The following ZW10 variants were observed in gnomAD, a reference collection of about 807,000 sequenced individuals.
The protein encoded by ZW10 is centromere/kinetochore protein zw10 homolog.
ZW10 carries 53 observed loss-of-function variants against 87.8 expected under a neutral mutation model. That is an observed-to-expected ratio of 0.60 (90% confidence interval 0.48 to 0.76). The LOEUF (loss-of-function observed/expected upper bound fraction) is 0.76, where lower values mean the gene tolerates loss of function less well. ZW10 is among the 30% of genes least tolerant of loss of function. The probability of loss-of-function intolerance (pLI) is 0.00; values close to 1 mark genes in which losing one functional copy is unlikely to be tolerated. For missense variants in ZW10, 837 were observed against 923.0 expected (o/e 0.91, Z 1.21); for synonymous variants, 312 against 329.2 (o/e 0.95, Z 0.57).
intron 2 of ZW10, 149 bp downstream of exon 2, chr11:113,768,684 G>T: frequency 1.3e-6 from 1 of 766,562 alleles, no homozygotes; most frequent in East Asian, 3.0e-5. Flanking sequence ...TTTCAGAATT[G>T]AAGTCACCCT....
At chr11:113,752,258 C>T (rs958552814) in intron 7 of ZW10, among the ~76,000 whole-genome samples, 5 of 151,754 alleles carry the variant, frequency 3.3e-5, no homozygotes, top group African/African-American at 1.2e-4. Flanking sequence ...TGCACATGAA[C>T]AAGATGTGTG....
At chr11:113,748,772 T>C (rs1204156482) in intron 7 of ZW10, among the ~76,000 whole-genome samples, 1 of 152,230 alleles carries the variant, frequency 6.6e-6, no homozygotes, top group Non-Finnish European at 1.5e-5. Flanking sequence ...ATCTCACTTA[T>C]TTAATAATGA....
rs928303091 is a variant in ZW10, at chr11:113,744,040, T to G, written c.1273A>C (p.Ile425Leu). ...ACATTTATCTTAGAATCAGGAATAA[T>G]CTAAGATTCAAACACAAAAATACAG... ...MTSEIHNTVK[I>L]IPDSKINVPE... is the part of the protein sequence containing the mutation. The change falls in exon 10 of 16, where the codon ATT (isoleucine) becomes CTT (leucine). Residue 425 changes from isoleucine to leucine, a missense_variant and splice_region_variant. Physicochemically the swap from Ile to Leu is conservative, Grantham distance 5 (BLOSUM62 2). Transcript: ENST00000200135. 9.4e-6 allele frequency: 15 copies of G among 1,601,076 alleles called. No homozygotes were observed. Among genetic ancestry groups the G allele is most frequent in the Non-Finnish European group, 1.1e-5 (13 of 1,168,998 alleles).
At chr11:113,762,835 C>G (rs1953875773) in intron 2 of ZW10, among the ~76,000 whole-genome samples, 1 of 152,138 alleles carries the variant, frequency 6.6e-6, no homozygotes, top group Non-Finnish European at 1.5e-5. Flanking sequence ...TTAACTCTTG[C>G]AATAACACAG....
chr11:113,748,406 T>C lies in ZW10; in HGVS notation c.940A>G (p.Thr314Ala), dbSNP rs372776052. 2.5e-6 allele frequency: 4 copies of C among 1,589,060 alleles called. No homozygotes were observed. In the African/African-American group the frequency reaches 5.4e-5, roughly 22 times the overall value. ...GATGTTTTTTCATTTTCCAGGTCAG[T>C]GTCAAGTGGCAAATCTGAATTTTTT... ...QKQLLDLPLDTDLENEKTSTV... is the reference protein window; with the variant it reads ...QKQLLDLPLDADLENEKTSTV... The change falls in exon 8 of 16, where the codon ACT becomes GCT. Residue 314 changes from threonine to alanine, a missense_variant. Coordinates refer to ENST00000200135, the MANE Select transcript of ZW10 (RefSeq NM_004724.4).
At position 113,748,260 on chromosome 11, in the gene ZW10, T is replaced by C. The variant is rs751267510; in HGVS notation, c.1086A>G (p.Glu362=). The C allele has an allele frequency of 1.2e-6, 2 of 1,610,720 alleles. No individual in the cohort carries two copies. The highest frequency in any genetic ancestry group is 2.7e-5 in the African/African-American group (2 of 74,784). Residue 362 remains glutamate, a synonymous_variant, in exon 8 of 16, where the codon GAA becomes GAG. Transcript: ENST00000200135. ...CTGTGCTGTCTGGGCTCTTTACCTC[T>C]TCATATTGCTGTAATTTGCTGCTAT... ...PTNSSKLQQY[E]EIIQSTEEFE...
At chr11:113,752,608 A>G (rs1953744722) in intron 7 of ZW10, among the ~76,000 whole-genome samples, 1 of 152,270 alleles carries the variant, frequency 6.6e-6, no homozygotes, top group Middle Eastern at 3.4e-3. Flanking sequence ...TGACATTACC[A>G]TTGCAATTGT....
chr11:113,738,923 A>G (rs1036813593), intron 12 of ZW10, among the ~76,000 whole-genome samples: 2 of 150,794 alleles, frequency 1.3e-5, no homozygotes, highest in African/African-American at 4.8e-5. Flanking sequence ...TATAAATCCT[A>G]TTATGTGAAT....
Position 113,734,571 on chromosome 11 carries a change from G to A in ZW10, c.2220-757C>T, listed in dbSNP as rs1046797722. Among the ~76,000 whole-genome samples the A allele has an allele frequency of 8.5e-5, 13 of 152,082 alleles. No individual in the cohort carries two copies. In the South Asian group the frequency reaches 1.7e-3, roughly 19 times the overall value. On this transcript the variant is annotated intron_variant, in intron 15 of 15. Coordinates refer to ENST00000200135, the MANE Select transcript of ZW10 (RefSeq NM_004724.4). ...TGTAATCCCAACACTTTGGGAGGCCGAGGAAGGCAGATCACATGAGGTCAG... is the reference window on the plus strand; with the variant it reads ...TGTAATCCCAACACTTTGGGAGGCCAAGGAAGGCAGATCACATGAGGTCAG...
At position 113,735,227 on chromosome 11, in the gene ZW10, T is replaced by C. The variant is rs557418934; in HGVS notation, c.2219+1393A>G. Among the ~76,000 whole-genome samples, 6 of 152,264 alleles carry C rather than the reference T, an allele frequency of 3.9e-5. No individual in the cohort carries two copies. The East Asian group carries it at 7.7e-4, about 20-fold the overall frequency. ...TCCTAGGCAGTAAAAAGAAGTTGAGTTGTACTAGTGTTATAATTTTTCTTA... is the reference window on the plus strand; with the variant it reads ...TCCTAGGCAGTAAAAAGAAGTTGAGCTGTACTAGTGTTATAATTTTTCTTA... On this transcript the variant is annotated intron_variant, in intron 15 of 15. Coordinates refer to ENST00000200135, the MANE Select transcript of ZW10 (RefSeq NM_004724.4).
At chr11:113,765,245 G>A (rs940244318) in intron 2 of ZW10, among the ~76,000 whole-genome samples, 3 of 152,218 alleles carry the variant, frequency 2.0e-5, no homozygotes, top group South Asian at 2.1e-4. Context: ...CTGCTATCTC[G>A]AGTCCACATT....
rs115316509 is a variant in ZW10, at chr11:113,767,255, G to C, written c.240+1578C>G. Among the ~76,000 whole-genome samples, 413 of 150,034 alleles carry C rather than the reference G, an allele frequency of 2.8e-3. 3 individuals are homozygous for C. The highest frequency in any genetic ancestry group is 9.6e-3 in the African/African-American group (392 of 40,832). On this transcript the variant is annotated intron_variant, in intron 2 of 15. Coordinates refer to ENST00000200135, the MANE Select transcript of ZW10 (RefSeq NM_004724.4). Reference sequence around the variant, plus strand: ...TTTTTATTTATTTTTTTTTACAACAGTCTAGCCTTCACCTTAATATAATCC... The same window carrying C: ...TTTTTATTTATTTTTTTTTACAACACTCTAGCCTTCACCTTAATATAATCC...
At chr11:113,754,015 T>C (rs949298124) in intron 7 of ZW10, among the ~76,000 whole-genome samples, 1 of 152,216 alleles carries the variant, frequency 6.6e-6, no homozygotes, top group Non-Finnish European at 1.5e-5. Context: ...AAACAATAGA[T>C]TTTTAGTGTA....
rs1257979423 is a variant in ZW10, at chr11:113,747,583, A to G, written c.1220T>C (p.Val407Ala). The part of the protein sequence containing the change: ...SHFANKKCQD[V>A]IVAARNLMTS... Reference sequence around the variant, plus strand: ...CATTAGATTTCTGGCTGCCACAATCACATCCTGGCACTTTTTGTTTGCAAA... The same window carrying G: ...CATTAGATTTCTGGCTGCCACAATCGCATCCTGGCACTTTTTGTTTGCAAA... The change falls in exon 9 of 16, where the codon GTG becomes GCG. Residue 407 changes from valine to alanine, a missense_variant. By Grantham distance (64) the Val-to-Ala change is moderately conservative (BLOSUM62 0). Coordinates refer to ENST00000200135, the MANE Select transcript of ZW10 (RefSeq NM_004724.4). 1.2e-6 allele frequency: 2 copies of G among 1,613,642 alleles called. No individual in the cohort carries two copies. The highest frequency in any genetic ancestry group is 1.3e-5 in the African/African-American group (1 of 74,920).
At position 113,743,914 on chromosome 11, in the gene ZW10, A is replaced by G. The variant is rs2134871969; in HGVS notation, c.1399T>C (p.Leu467=). ...GGCAAGGAAAAGGAATGTTGGTCCAATGTATTTTCAGGCTCTAAATTCATC... is the reference window on the plus strand; with the variant it reads ...GGCAAGGAAAAGGAATGTTGGTCCAGTGTATTTTCAGGCTCTAAATTCATC... ...EVMNLEPENT[L]DQHSFSLPTC... is the part of the protein sequence containing the mutation. The change falls in exon 10 of 16, where the codon TTG becomes CTG. Residue 467 remains leucine (L), a synonymous_variant. Coordinates refer to ENST00000200135, the MANE Select transcript of ZW10 (RefSeq NM_004724.4). 4 of 1,614,160 alleles carry G rather than the reference A, an allele frequency of 2.5e-6. No homozygotes were observed. The highest frequency in any genetic ancestry group is 3.4e-6 in the Non-Finnish European group (4 of 1,180,018).
intron 2 of ZW10, among the ~76,000 whole-genome samples, chr11:113,764,684 T>C (rs1158371599): frequency 6.6e-6 from 1 of 152,188 alleles, no homozygotes; most frequent in Non-Finnish European, 1.5e-5. Context: ...AGATTACCAA[T>C]AGGTGATAGG....
intron 4 of ZW10, 55 bp from the exon 5 acceptor site, chr11:113,760,423 G>C (rs1231854654): frequency 6.2e-7 from 1 of 1,601,904 alleles, no homozygotes. Context: ...AGGGCAATTA[G>C]AATATATTTG....
chr11:113,756,236 C>A (rs187445111), intron 7 of ZW10, among the ~76,000 whole-genome samples: 4 of 152,188 alleles, frequency 2.6e-5, no homozygotes, highest in Admixed American at 2.6e-4. Flanking sequence ...TCAAGAAGGC[C>A]ATCTGCAAGA....
intron 15 of ZW10, among the ~76,000 whole-genome samples, 189 bp downstream of exon 15, chr11:113,736,431 C>T (rs1423111139): frequency 6.6e-6 from 1 of 152,134 alleles, no homozygotes; most frequent in African/African-American, 2.4e-5. Flanking sequence ...TTTATGCTAT[C>T]AAATATGGGA....
Sources: gnomAD v4.1 joint callset for allele counts (sites outside exome capture counted in the v4.1 genomes callset) on GRCh38, gnomAD v4.1.1 for gene constraint, MANE v1.5 for transcripts, NCBI Gene and HGNC (gene_info 2026-07-23, HGNC 2026-07-21) for gene names.